Variants in QTMAN observed in about 807,000 individuals in gnomAD.
QTMAN encodes queuosine-tRNA mannosyltransferase.
At chr2:144,062,956 G>C in the QTMAN span, among the ~76,000 whole-genome samples, 1 of 152,186 alleles carries the variant, frequency 6.6e-6, no homozygotes, top group Non-Finnish European at 1.5e-5. Flanking sequence ...GAAAGGCTCA[G>C]AAAGGTCATG....
chr2:144,290,114 C>CT, the QTMAN span, among the ~76,000 whole-genome samples: 135 of 147,110 alleles, frequency 9.2e-4, no homozygotes, highest in East Asian at 0.011. Flanking sequence ...TTTTATGTTA[C>CT]TTTTTTTTTT....
the QTMAN span, among the ~76,000 whole-genome samples, chr2:144,256,736 G>C: frequency 6.6e-6 from 1 of 151,966 alleles, no homozygotes; most frequent in South Asian, 2.1e-4. Flanking sequence ...GGGAGGGAAA[G>C]GCATTAGGAA....
At chr2:144,063,890 G>A in the QTMAN span, among the ~76,000 whole-genome samples, 1 of 151,586 alleles carries the variant, frequency 6.6e-6, no homozygotes, top group Non-Finnish European at 1.5e-5. Context: ...AGAAGCTAAT[G>A]GGAAATTTAA....
At chr2:144,235,719 C>A in the QTMAN span, 2 of 152,550 alleles carry the variant, frequency 1.3e-5, no homozygotes, top group Non-Finnish European at 2.9e-5. Context: ...TATGTCCAAT[C>A]TGGCTAATGC....
chr2:143,984,251 C>T, the QTMAN span, among the ~76,000 whole-genome samples: 1 of 152,160 alleles, frequency 6.6e-6, no homozygotes, highest in African/African-American at 2.4e-5. Context: ...AATAGAAGTA[C>T]AAACATCATC....
the QTMAN span, among the ~76,000 whole-genome samples, chr2:144,322,325 T>C: frequency 1.3e-5 from 2 of 152,194 alleles, no homozygotes; most frequent in Admixed American, 6.5e-5. Context: ...TTCACCGTAT[T>C]AGAAATTAAA....
At chr2:144,326,586 C>CAA in the QTMAN span, among the ~76,000 whole-genome samples, 153 of 42,602 alleles carry the variant, frequency 3.6e-3, no homozygotes, top group Non-Finnish European at 4.3e-3. Context: ...GACTCCATCT[C>CAA]AAAAAAAAAA....
At chr2:144,101,742 A>C in the QTMAN span, among the ~76,000 whole-genome samples, 1 of 152,124 alleles carries the variant, frequency 6.6e-6, no homozygotes, top group Non-Finnish European at 1.5e-5. Context: ...TTTTGAATGT[A>C]AAAATTAACA....
chr2:144,187,391 A>G, the QTMAN span, among the ~76,000 whole-genome samples: 1 of 152,166 alleles, frequency 6.6e-6, no homozygotes. Context: ...TTCCACAGGA[A>G]CTAATCCAGT....
chr2:144,232,562 C>T, the QTMAN span, among the ~76,000 whole-genome samples: 11 of 151,930 alleles, frequency 7.2e-5, no homozygotes, highest in Non-Finnish European at 1.3e-4. Flanking sequence ...TTTCTTATTG[C>T]CAAAAATCAT....
At chr2:144,311,461 G>A in the QTMAN span, among the ~76,000 whole-genome samples, 4 of 152,126 alleles carry the variant, frequency 2.6e-5, no homozygotes, top group Admixed American at 6.6e-5. Context: ...GACACATTGC[G>A]CATCACTAGA....
At chr2:144,236,252 G>A in the QTMAN span, among the ~76,000 whole-genome samples, 3 of 152,156 alleles carry the variant, frequency 2.0e-5, no homozygotes, top group Non-Finnish European at 2.9e-5. Flanking sequence ...CCCTCCCAGA[G>A]AAACACAGAC....
the QTMAN span, among the ~76,000 whole-genome samples, chr2:143,948,667 A>C: frequency 6.6e-6 from 1 of 152,284 alleles, no homozygotes; most frequent in East Asian, 1.9e-4. Flanking sequence ...ATGAAATACT[A>C]ATCTCAAATA....
the QTMAN span, among the ~76,000 whole-genome samples, chr2:144,223,124 T>C: frequency 6.6e-6 from 1 of 152,160 alleles, no homozygotes; most frequent in Admixed American, 6.5e-5. Context: ...AATCACTCTG[T>C]TCCTGGAATT....
chr2:144,230,559 G>GA, the QTMAN span, among the ~76,000 whole-genome samples: 11 of 148,010 alleles, frequency 7.4e-5, no homozygotes, highest in East Asian at 2.0e-4. Context: ...AATTTAGAAG[G>GA]AAAAAAAAAC....
chr2:144,128,776 T>A, the QTMAN span, among the ~76,000 whole-genome samples: 2 of 152,000 alleles, frequency 1.3e-5, no homozygotes, highest in Admixed American at 1.3e-4. Context: ...CTAATTCTAT[T>A]CTTTCATTAA....
the QTMAN span, chr2:144,007,470 G>T: frequency 6.2e-7 from 1 of 1,611,848 alleles, no homozygotes; most frequent in Non-Finnish European, 8.5e-7. Flanking sequence ...GGACAGAACC[G>T]CACCGCCATT....
chr2:144,263,523 AC>A, the QTMAN span, among the ~76,000 whole-genome samples: 1 of 152,162 alleles, frequency 6.6e-6, no homozygotes, highest in African/African-American at 2.4e-5. Flanking sequence ...GGAGTTCAAG[AC>A]CAGCCTGGCC....
chr2:144,044,979 G>T, the QTMAN span, among the ~76,000 whole-genome samples: 1 of 152,180 alleles, frequency 6.6e-6, no homozygotes, highest in African/African-American at 2.4e-5. Flanking sequence ...GGAGATACAA[G>T]GAGTTATATA....
Sources: allele counts gnomAD v4.1 joint callset (sites outside exome capture counted in the v4.1 genomes callset), GRCh38; gene constraint gnomAD v4.1.1; transcripts MANE v1.5; gene names NCBI Gene and HGNC (gene_info 2026-07-23, HGNC 2026-07-21).